IQANK1: variants seen among roughly 807,000 people sequenced by gnomAD.
The protein encoded by IQANK1 is IQ motif and ankyrin repeat domain-containing protein 1.
In IQANK1, 30 loss-of-function variants were observed where a neutral mutation model predicts 22.6. That is an observed-to-expected ratio of 1.33 (90% CI 0.99 to 1.80). IQANK1 has a LOEUF of 1.80. Among genes scored for constraint, IQANK1 ranks in the 40% most tolerant of loss-of-function variants. IQANK1 has a pLI of 0.00. For synonymous variants in IQANK1, 122 were observed against 99.6 expected, an observed-to-expected ratio of 1.23 and a Z score of -1.34; for missense variants, 275 against 235.2, an observed-to-expected ratio of 1.17 and a Z score of -1.11.
At chr8:143,786,023 C>A (rs1554631314) in intron 7 of IQANK1, among the ~76,000 whole-genome samples, 2 of 152,104 alleles carry the variant, frequency 1.3e-5, no homozygotes, top group African/African-American at 4.8e-5. Context: ...CCGTGCCTGG[C>A]CTAATTTTTT....
chr8:143,788,957 G>A lies in IQANK1; in HGVS notation c.832G>A (p.Asp278Asn), dbSNP rs1819951483. 5.0e-6 allele frequency: 2 copies of A among 399,252 alleles called. No individual in the cohort carries two copies. The highest frequency in any genetic ancestry group is 4.4e-6 in the Non-Finnish European group (1 of 226,306). 24.7% of individuals were successfully genotyped at this position (399,252 alleles called of 1,614,324 possible). The change falls in exon 8 of 14, where the codon GAC (aspartate) becomes AAC (asparagine). Residue 278 changes from aspartate (D) to asparagine (N), a missense_variant. Asp to Asn is a conservative substitution (Grantham distance 23). Coordinates refer to ENST00000527139, the MANE Select transcript of IQANK1 (RefSeq NM_001381874.1). ...AGTGGTGAGCGTGCTGCGCTCGTGG[G>A]ACCTGAGCCTCACGGAGGCCATGCT... Reference protein sequence around the residue: ...DTVVSVLRSWDLSLTEAMLQN... With the variant: ...DTVVSVLRSWNLSLTEAMLQN...
rs1554625526 is a variant in IQANK1 at position 143,735,474 on chromosome 8, C to T, written c.-4-376C>T. 6.6e-6 allele frequency among the ~76,000 whole-genome samples: 1 copy of T among 150,522 alleles called. No homozygotes were observed. The highest frequency in any genetic ancestry group is 1.5e-5 in the Non-Finnish European group (1 of 68,014). On this transcript the variant is annotated intron_variant, in intron 1 of 13. Coordinates refer to ENST00000527139, the MANE Select transcript of IQANK1 (RefSeq NM_001381874.1). The surrounding 1 kb of genome is among the most constrained non-coding windows in gnomAD (Gnocchi z 5.2). ...GGCATGGAGGCTTCAGCAGAGAGGG[C>T]CATGCTCATGATTACGGTGAGAACA...
rs552207543 is a variant in IQANK1, at chr8:143,756,022, A to G, written c.176-15466A>G. ...CTGCCATCCACAGTGCATGGTTTCA[A>G]CCTCCTGATGATCCCTCTTGGTACA... On this transcript the variant is annotated intron_variant, in intron 3 of 13. Transcript: ENST00000527139. Among the ~76,000 whole-genome samples, 9 of 152,288 alleles carry G rather than the reference A, an allele frequency of 5.9e-5. No homozygotes were observed. In the South Asian group the frequency reaches 1.9e-3, roughly 32 times the overall value.
intron 3 of IQANK1, among the ~76,000 whole-genome samples, chr8:143,741,567 A>C (rs1192525328): frequency 3.9e-5 from 6 of 152,330 alleles, no homozygotes; most frequent in Admixed American, 3.9e-4. Context: ...TATTTCAGGC[A>C]GAACAGACTG....
At chr8:143,784,035 T>G (rs1275068518) in intron 7 of IQANK1, among the ~76,000 whole-genome samples, 1 of 152,208 alleles carries the variant, frequency 6.6e-6, no homozygotes, top group African/African-American at 2.4e-5. Context: ...TTCTTCATGC[T>G]TGGGTTTTGG....
At chr8:143,778,349 G>A (rs76824615) in intron 7 of IQANK1, among the ~76,000 whole-genome samples, 3,901 of 152,222 alleles carry the variant, frequency 0.026, 151 homozygotes, top group African/African-American at 0.083. Context: ...TAAACAGGAT[G>A]CTGAAGTAAC....
At chr8:143,753,825 A>G (rs1819239688) in intron 3 of IQANK1, among the ~76,000 whole-genome samples, 1 of 152,022 alleles carries the variant, frequency 6.6e-6, no homozygotes, top group Non-Finnish European at 1.5e-5. Flanking sequence ...GTTTCTTTGT[A>G]TGCCTTGTGA....
chr8:143,736,297 G>A (rs1818737496), intron 2 of IQANK1, among the ~76,000 whole-genome samples: 2 of 152,044 alleles, frequency 1.3e-5, no homozygotes, highest in Admixed American at 6.5e-5. Flanking sequence ...GCGCCACCAC[G>A]CCCTGCTGAT....
intron 3 of IQANK1, among the ~76,000 whole-genome samples, chr8:143,768,702 GTA>G (rs1253921774): frequency 3.4e-4 from 51 of 152,116 alleles, no homozygotes; most frequent in African/African-American, 1.2e-3. Flanking sequence ...CTTAATCCAA[GTA>G]TATGATAGTT....
rs1391902668 is a variant in IQANK1 at position 143,758,704 on chromosome 8, C to T, written c.176-12784C>T. 1 of 152,316 alleles carries T rather than the reference C, an allele frequency of 6.6e-6. No individual in the cohort carries two copies. Among genetic ancestry groups the T allele is most frequent in the African/African-American group, 2.4e-5 (1 of 41,462 alleles). The allele number at this position is 152,316 out of a possible 1,614,324, so 9.4% of individuals were successfully genotyped here. On this transcript the variant is annotated intron_variant, in intron 3 of 13. Transcript: ENST00000527139. The surrounding 1 kb of genome is among the most constrained non-coding windows in gnomAD (Gnocchi z 4.2). ...GCAGTGACACCTGGCCCCTGACAAGCCTGAGTCACAGGTCCCTGTGCAGGT... is the reference window on the plus strand; with the variant it reads ...GCAGTGACACCTGGCCCCTGACAAGTCTGAGTCACAGGTCCCTGTGCAGGT...
At chr8:143,743,248 G>T (rs1818960653) in intron 3 of IQANK1, 3 of 356,924 alleles carry the variant, frequency 8.4e-6, no homozygotes, top group Non-Finnish European at 1.7e-5. Context: ...TTTTTTTTGA[G>T]ACAGGGTCAG....
At chr8:143,749,447 A>AT (rs1268216868) in intron 3 of IQANK1, among the ~76,000 whole-genome samples, 1 of 135,808 alleles carries the variant, frequency 7.4e-6, no homozygotes, top group Non-Finnish European at 1.5e-5. Flanking sequence ...ATAATTATAT[A>AT]TTATATATCA....
At chr8:143,747,376 T>TAGA (rs1819052210) in intron 3 of IQANK1, among the ~76,000 whole-genome samples, 1 of 152,214 alleles carries the variant, frequency 6.6e-6, no homozygotes, top group Non-Finnish European at 1.5e-5. Context: ...CTATCTCTAA[T>TAGA]CTTTATTATT....
intron 3 of IQANK1, among the ~76,000 whole-genome samples, chr8:143,757,319 A>G (rs528176336): frequency 9.0e-4 from 137 of 152,032 alleles, no homozygotes; most frequent in African/African-American, 3.1e-3. Context: ...CAGGTAGTGT[A>G]AGGTACATAA....
rs536500097 is a variant in IQANK1, at chr8:143,758,587, G to C, written c.176-12901G>C. On this transcript the variant is annotated intron_variant, in intron 3 of 13. Transcript: ENST00000527139. The surrounding 1 kb of genome is among the most constrained non-coding windows in gnomAD (Gnocchi z 4.2). ...TGAACATTTTCAGCTAGAATGACAC[G>C]GCATTCTCCTACATAAAACATTATA... is the stretch of plus-strand genomic sequence containing the variant. The C allele has an allele frequency of 5.3e-5, 8 of 152,108 alleles. No homozygotes were observed. Among genetic ancestry groups the C allele is most frequent in the African/African-American group, 1.9e-4 (8 of 41,408 alleles). The allele number at this position is 152,108 out of a possible 1,614,324, so 9.4% of individuals were successfully genotyped here.
chr8:143,748,709 A>C (rs1276250125), intron 3 of IQANK1, among the ~76,000 whole-genome samples: 1 of 114,238 alleles, frequency 8.8e-6, no homozygotes, highest in Non-Finnish European at 1.6e-5. Flanking sequence ...TAAATATATA[A>C]ATATATATCA....
intron 7 of IQANK1, among the ~76,000 whole-genome samples, chr8:143,784,634 A>AG (rs1474989664): frequency 6.6e-6 from 1 of 152,204 alleles, no homozygotes. Flanking sequence ...GAGGGTTAAC[A>AG]GGGGGCTTCT....
chr8:143,771,862 A>AGGC lies in IQANK1; in HGVS notation c.373_375dup (p.Ala125dup). 1 of 392,138 alleles carries AGGC rather than the reference A, an allele frequency of 2.6e-6. No homozygotes were observed. The highest frequency in any genetic ancestry group is 4.5e-6 in the Non-Finnish European group (1 of 223,046). 24.3% of individuals were successfully genotyped at this position (392,138 alleles called of 1,614,324 possible). A position where few individuals can be genotyped will look rare whatever the true frequency, so the allele number is the denominator to read the frequency against. On this transcript the variant is annotated inframe_insertion, in exon 5 of 14. Coordinates refer to ENST00000527139, the MANE Select transcript of IQANK1 (RefSeq NM_001381874.1). The surrounding 1 kb of genome is among the most constrained non-coding windows in gnomAD (Gnocchi z 6.0). ...GCGCGGCGGCTGCGCGAGCAGGAGGAGGCGGCGCAGCGGGAGCGGCGGGAG... is the reference window on the plus strand; with the variant it reads ...GCGCGGCGGCTGCGCGAGCAGGAGGAGGCGGCGGCGCAGCGGGAGCGGCGGGAG...
chr8:143,735,152 T>C lies in IQANK1; in HGVS notation c.-4-698T>C, dbSNP rs1554625472. 6.6e-6 allele frequency among the ~76,000 whole-genome samples: 1 copy of C among 152,216 alleles called. No homozygotes were observed. Among genetic ancestry groups the C allele is most frequent in the Non-Finnish European group, 1.5e-5 (1 of 68,034 alleles). ...CAGTGCCACCCCACTGGTACCAGCA[T>C]GCTGGAAACATGGGTGGGGGGTCAG... On this transcript the variant is annotated intron_variant, in intron 1 of 13. Transcript: ENST00000527139. The surrounding 1 kb of genome is among the most constrained non-coding windows in gnomAD (Gnocchi z 5.2).
Sources: gnomAD v4.1 joint callset for allele counts (sites outside exome capture counted in the v4.1 genomes callset) on GRCh38, gnomAD v4.1.1 for gene constraint, Gnocchi (gnomAD v3.1) non-coding constraint, MANE v1.5 for transcripts, NCBI Gene and HGNC (gene_info 2026-07-23, HGNC 2026-07-21) for gene names.